Variants in ANO3 observed in about 807,000 individuals in gnomAD.
The protein encoded by ANO3 is anoctamin 3.
ANO3 carries 99 observed loss-of-function variants against 144.8 expected under a neutral mutation model. The observed-to-expected ratio is 0.68, with a 90% CI of 0.58 to 0.81. ANO3 has a LOEUF of 0.81. ANO3 is among the 30% of genes least tolerant of loss of function. The pLI, the probability that ANO3 is intolerant of heterozygous loss-of-function variation, is 0.00. For synonymous variants in ANO3, 414 were observed against 392.6 expected (o/e 1.05, Z -0.64); for missense variants, 905 against 1,202.2 (o/e 0.75, Z 3.66).
chr11:26,599,126 CG>C, intron 16 of ANO3, 128 bp downstream of exon 16: 1 of 970,356 alleles, frequency 1.0e-6, no homozygotes, highest in Non-Finnish European at 1.6e-6. Flanking sequence ...CTTGGTAACA[CG>C]TACAATTAAA....
chr11:26,611,793 G>GTTAGGTACATATATATTTCCAATTGT (rs2132967950), intron 17 of ANO3, among the ~76,000 whole-genome samples: 2 of 152,196 alleles, frequency 1.3e-5, no homozygotes, highest in East Asian at 3.9e-4. Flanking sequence ...GTGCTCTGGT[G>GTTAGGTACATATATATTTCCAATTGT]TTAGGTACAT....
chr11:26,227,730 A>G (rs977738989), intron 1 of ANO3, among the ~76,000 whole-genome samples: 1 of 152,168 alleles, frequency 6.6e-6, no homozygotes, highest in African/African-American at 2.4e-5. Flanking sequence ...ATCACGTCGA[A>G]TGCTTTCTCT....
At chr11:26,428,854 A>G (rs1480195798) in intron 1 of ANO3, among the ~76,000 whole-genome samples, 2 of 151,806 alleles carry the variant, frequency 1.3e-5, no homozygotes, top group African/African-American at 4.9e-5. Context: ...GAAGATAGGA[A>G]TAATGAGGGA....
chr11:26,466,736 C>T (rs1424670451), intron 4 of ANO3, among the ~76,000 whole-genome samples: 4 of 151,920 alleles, frequency 2.6e-5, no homozygotes, highest in Non-Finnish European at 4.4e-5. Flanking sequence ...CCAGCCTGTG[C>T]ACAGAATCAT....
chr11:26,495,906 G>A (rs1313189342), intron 4 of ANO3, among the ~76,000 whole-genome samples: 1 of 152,192 alleles, frequency 6.6e-6, no homozygotes, highest in Non-Finnish European at 1.5e-5. Flanking sequence ...TGGAGCACAT[G>A]TGAATTTTCC....
At chr11:26,525,747 A>G in intron 7 of ANO3, 68 bp downstream of exon 7, 4 of 1,198,772 alleles carry the variant, frequency 3.3e-6, no homozygotes, top group Non-Finnish European at 4.8e-6. Flanking sequence ...AAGATATTTG[A>G]TTCCCCATAT....
chr11:26,531,976 C>T (rs1277299114), intron 8 of ANO3, among the ~76,000 whole-genome samples: 1 of 151,878 alleles, frequency 6.6e-6, no homozygotes, highest in Non-Finnish European at 1.5e-5. Context: ...ATGGGGCAGA[C>T]AAAAATGTAA....
intron 1 of ANO3, among the ~76,000 whole-genome samples, chr11:26,228,387 G>A (rs566517445): frequency 5.2e-4 from 79 of 152,320 alleles, no homozygotes; most frequent in Non-Finnish European, 9.9e-4. Context: ...TTTACTATAA[G>A]AAAAAGCTGC....
chr11:26,540,571 A>G (rs891031996), intron 10 of ANO3, among the ~76,000 whole-genome samples: 7 of 152,186 alleles, frequency 4.6e-5, no homozygotes, highest in African/African-American at 1.7e-4. Context: ...GCTAATATCC[A>G]GAATCTGCAA....
Position 26,230,007 on chromosome 11 carries a change from T to G in ANO3, c.154+40677T>G, listed in dbSNP as rs985750439. ...GTCAGGATCAGAGCCTCCTTACTTT[T>G]TCCTGGGATCTGTATTGTCCAAAGC... On this transcript the variant is annotated intron_variant, in intron 1 of 27. Transcript: ENST00000672621. 5.9e-5 allele frequency among the ~76,000 whole-genome samples: 9 copies of G among 152,188 alleles called. No homozygotes were observed. The East Asian group carries it at 1.7e-3, about 29-fold the overall frequency.
At chr11:26,272,526 A>C (rs1350388292) in intron 1 of ANO3, among the ~76,000 whole-genome samples, 1 of 152,196 alleles carries the variant, frequency 6.6e-6, no homozygotes, top group South Asian at 2.1e-4. Flanking sequence ...GAAAGAAATG[A>C]AGTCATTTTA....
chr11:26,378,439 T>TATCTATCTATC (rs1856479347), intron 1 of ANO3, among the ~76,000 whole-genome samples: 2 of 144,806 alleles, frequency 1.4e-5, no homozygotes, highest in South Asian at 2.2e-4. Context: ...ATCTATCATC[T>TATCTATCTATC]ATCTATCTAT....
chr11:26,225,304 A>G (rs1040031434), intron 1 of ANO3, among the ~76,000 whole-genome samples: 2 of 151,892 alleles, frequency 1.3e-5, no homozygotes, highest in African/African-American at 4.8e-5. Context: ...ATAATACAAG[A>G]TTATAAATAT....
At chr11:26,283,434 C>T (rs552403719) in intron 1 of ANO3, among the ~76,000 whole-genome samples, 266 of 140,522 alleles carry the variant, frequency 1.9e-3, no homozygotes, top group African/African-American at 6.6e-3. Context: ...GGTTTATTTG[C>T]TTCACTGCAA....
upstream of ANO3, chr11:26,309,594 C>A: frequency 1.2e-6 from 1 of 867,356 alleles, no homozygotes; most frequent in Non-Finnish European, 1.4e-6. Context: ...TCTTTCTGGT[C>A]TACTGAGTTT....
intron 1 of ANO3, among the ~76,000 whole-genome samples, chr11:26,245,058 A>T (rs1414086828): frequency 6.6e-6 from 1 of 150,610 alleles, no homozygotes; most frequent in Admixed American, 6.6e-5. Flanking sequence ...TTGAATTTTT[A>T]AAAAATAATT....
intron 1 of ANO3, among the ~76,000 whole-genome samples, chr11:26,251,721 A>G (rs962422091): frequency 1.9e-4 from 29 of 152,174 alleles, no homozygotes; most frequent in African/African-American, 6.8e-4. Context: ...ACTTACAATA[A>G]TGGCAGAAGG....
At chr11:26,369,728 A>G (rs1360225472) in intron 1 of ANO3, among the ~76,000 whole-genome samples, 1 of 152,194 alleles carries the variant, frequency 6.6e-6, no homozygotes, top group Non-Finnish European at 1.5e-5. Context: ...CTGTTTAAAG[A>G]AAGTATCTCC....
intron 4 of ANO3, among the ~76,000 whole-genome samples, chr11:26,490,140 T>C (rs1209562448): frequency 4.6e-5 from 7 of 152,068 alleles, no homozygotes; most frequent in Non-Finnish European, 1.0e-4. Context: ...AATTGAATCA[T>C]GGGGGCTGGT....
Sources: gnomAD v4.1 joint callset for allele counts (sites outside exome capture counted in the v4.1 genomes callset) on GRCh38, gnomAD v4.1.1 for gene constraint, MANE v1.5 for transcripts, NCBI Gene and HGNC (gene_info 2026-07-23, HGNC 2026-07-21) for gene names.